Variants in CD2AP observed in about 807,000 individuals in gnomAD.
CD2AP encodes CD2-associated protein.
In CD2AP, 46 loss-of-function variants were observed where a neutral mutation model predicts 85.1. The ratio of observed to expected loss-of-function variants is 0.54; its 90% CI spans 0.43 to 0.69. The LOEUF is 0.69. Ranked by LOEUF, CD2AP falls within the 30% of genes least tolerant of loss-of-function variation. The pLI is 0.00. For missense variants in CD2AP, 769 were observed against 729.5 expected (o/e 1.05, Z -0.62); for synonymous variants, 255 against 252.9 (o/e 1.01, Z -0.08).
chr6:47,570,319 TAGAC>T (rs1321378536), intron 5 of CD2AP, among the ~76,000 whole-genome samples: 1 of 152,166 alleles, frequency 6.6e-6, no homozygotes, highest in African/African-American at 2.4e-5. Flanking sequence ...TTAGGCTCGA[TAGAC>T]AGATTTGCTG....
intron 9 of CD2AP, 65 bp downstream of exon 9, chr6:47,579,554 A>C (rs1335230209): frequency 9.4e-7 from 1 of 1,068,436 alleles, no homozygotes; most frequent in Non-Finnish European, 1.4e-6. Context: ...TCTTTTGCAA[A>C]CAAGTTTTTT....
In CD2AP at chr6:47,581,997, C is replaced by T; in HGVS notation, c.1046-6C>T. 1.3e-6 allele frequency: 2 copies of T among 1,590,310 alleles called. No homozygotes were observed. Among genetic ancestry groups the T allele is most frequent in the East Asian group, 2.2e-5 (1 of 44,640 alleles). On this transcript the variant is annotated splice_region_variant and splice_polypyrimidine_tract_variant and intron_variant, in intron 10 of 17. Coordinates refer to ENST00000359314, the MANE Select transcript of CD2AP (RefSeq NM_012120.3). ...CTTAAAAAAGTATTAATGTTTTTTC[C>T]CATAGCTCCAAAGCCTGAACTGATA...
At chr6:47,590,576 C>T (rs941568167) in intron 11 of CD2AP, among the ~76,000 whole-genome samples, 2 of 152,038 alleles carry the variant, frequency 1.3e-5, no homozygotes, top group Admixed American at 1.3e-4. Context: ...AATACAAAAC[C>T]GCATATGAGG....
intron 5 of CD2AP, among the ~76,000 whole-genome samples, chr6:47,556,754 T>C (rs1228421923): frequency 1.3e-5 from 2 of 152,222 alleles, no homozygotes; most frequent in African/African-American, 4.8e-5. Flanking sequence ...TCCAAGTCTT[T>C]GCTGTTGTTA....
At chr6:47,568,547 C>T (rs1768064351) in intron 5 of CD2AP, among the ~76,000 whole-genome samples, 1 of 152,090 alleles carries the variant, frequency 6.6e-6, no homozygotes, top group African/African-American at 2.4e-5. Context: ...CGAGACCAGC[C>T]TGGCCCACAA....
At chr6:47,530,382 C>T (rs962710928) in intron 2 of CD2AP, among the ~76,000 whole-genome samples, 1 of 152,174 alleles carries the variant, frequency 6.6e-6, no homozygotes, top group Non-Finnish European at 1.5e-5. Context: ...TTCTGTGATC[C>T]TACCCCGACA....
chr6:47,622,011 T>A (rs1582634955), intron 17 of CD2AP, among the ~76,000 whole-genome samples: 1 of 152,148 alleles, frequency 6.6e-6, no homozygotes, highest in Admixed American at 6.5e-5. Context: ...CTTGGGCGGG[T>A]CTTGCTGTGG....
intron 3 of CD2AP, among the ~76,000 whole-genome samples, chr6:47,540,187 A>AAAAAAAG (rs1456880313): frequency 6.6e-6 from 1 of 151,418 alleles, no homozygotes; most frequent in South Asian, 2.1e-4. Flanking sequence ...AAAAAAAAAA[A>AAAAAAAG]AAAAAAGAAA....
intron 6 of CD2AP, 105 bp downstream of exon 6, chr6:47,574,356 A>G (rs2114096615): frequency 9.4e-7 from 1 of 1,061,464 alleles, no homozygotes; most frequent in South Asian, 1.3e-5. Flanking sequence ...TTTTTTTCAG[A>G]TCACTAATAA....
intron 17 of CD2AP, among the ~76,000 whole-genome samples, chr6:47,614,077 A>G (rs1276888491): frequency 1.3e-5 from 2 of 152,228 alleles, no homozygotes; most frequent in Non-Finnish European, 2.9e-5. Flanking sequence ...AGGAAATGTT[A>G]CAGTTGGTTA....
intron 1 of CD2AP, 50 bp from the exon 2 acceptor site, chr6:47,503,230 G>A (rs2113981168): frequency 6.6e-7 from 1 of 1,503,898 alleles, no homozygotes; most frequent in Non-Finnish European, 9.3e-7. Flanking sequence ...ATAGTTTACA[G>A]TATTTTGTGA....
intron 1 of CD2AP, among the ~76,000 whole-genome samples, chr6:47,502,097 A>G (rs1766011616): frequency 6.6e-6 from 1 of 152,054 alleles, no homozygotes; most frequent in African/African-American, 2.4e-5. Flanking sequence ...GTTAGTTTGT[A>G]TCATTCATTT....
chr6:47,596,106 C>A, intron 12 of CD2AP, 80 bp downstream of exon 12: 1 of 987,684 alleles, frequency 1.0e-6, no homozygotes, highest in South Asian at 1.4e-5. Context: ...TTCTAAATCT[C>A]CAGGTATGTT....
intron 3 of CD2AP, among the ~76,000 whole-genome samples, chr6:47,535,880 G>A (rs1181501790): frequency 1.3e-5 from 2 of 152,168 alleles, no homozygotes; most frequent in African/African-American, 4.8e-5. Flanking sequence ...GAGCTATAAA[G>A]GGATAAGTTT....
At chr6:47,499,200 TTAG>T (rs1002306614) in intron 1 of CD2AP, among the ~76,000 whole-genome samples, 1 of 152,150 alleles carries the variant, frequency 6.6e-6, no homozygotes, top group African/African-American at 2.4e-5. Flanking sequence ...CTGATTCCTT[TTAG>T]TAGTAGGTGG....
At chr6:47,586,603 G>A (rs767710155) in intron 11 of CD2AP, among the ~76,000 whole-genome samples, 1 of 152,184 alleles carries the variant, frequency 6.6e-6, no homozygotes, top group South Asian at 2.1e-4. Context: ...TTTTGGGAAT[G>A]GGTCAAAATT....
intron 1 of CD2AP, among the ~76,000 whole-genome samples, chr6:47,483,485 CAG>C (rs1012495995): frequency 2.0e-5 from 3 of 152,090 alleles, no homozygotes; most frequent in African/African-American, 7.2e-5. Flanking sequence ...CAAAATGAGA[CAG>C]GGTCCAGATT....
At chr6:47,545,604 T>A (rs1767344219) in intron 4 of CD2AP, among the ~76,000 whole-genome samples, 1 of 152,010 alleles carries the variant, frequency 6.6e-6, no homozygotes, top group Non-Finnish European at 1.5e-5. Context: ...TTCATTTCAA[T>A]ACCCCGCCCG....
At chr6:47,543,017 GGC>G (rs893867298) in intron 3 of CD2AP, among the ~76,000 whole-genome samples, 36 of 151,894 alleles carry the variant, frequency 2.4e-4, no homozygotes, top group Admixed American at 5.9e-4. Context: ...TGGGCGTGGT[GGC>G]GCTCACCTGT....
Sources: gnomAD v4.1 joint callset for allele counts (sites outside exome capture counted in the v4.1 genomes callset) on GRCh38, gnomAD v4.1.1 for gene constraint, MANE v1.5 for transcripts, NCBI Gene and HGNC (gene_info 2026-07-23, HGNC 2026-07-21) for gene names.